Variants in GALNT17 observed in about 807,000 individuals in gnomAD.
The protein encoded by GALNT17 is polypeptide N-acetylgalactosaminyltransferase 17, also known as UDP-GalNAc:polypeptide N-acetylgalactosaminyltransferase-like 3.
Under a neutral mutation model 63.7 loss-of-function variants are expected in GALNT17, and 29 were observed. The observed-to-expected ratio is 0.46, with a 90% CI of 0.34 to 0.62. The LOEUF (loss-of-function observed/expected upper bound fraction) is 0.62. GALNT17 is among the 20% of genes least tolerant of loss of function. GALNT17 has a pLI of 0.01. For synonymous variants in GALNT17, 305 were observed against 318.3 expected (o/e 0.96, Z 0.45); for missense variants, 603 against 799.6 (o/e 0.75, Z 2.97).
intron 6 of GALNT17, among the ~76,000 whole-genome samples, chr7:71,604,906 A>G (rs2116941748): frequency 6.6e-6 from 1 of 152,276 alleles, no homozygotes; most frequent in Admixed American, 6.5e-5. Flanking sequence ...GAACACACCC[A>G]TCATATGTGG....
chr7:71,372,537 T>C (rs984308231), intron 2 of GALNT17, among the ~76,000 whole-genome samples: 10 of 150,338 alleles, frequency 6.7e-5, no homozygotes, highest in African/African-American at 1.2e-4. Context: ...CTGCAACCTC[T>C]TCCTCCCGGG....
At chr7:71,464,296 T>A (rs907955632) in intron 5 of GALNT17, among the ~76,000 whole-genome samples, 1 of 152,102 alleles carries the variant, frequency 6.6e-6, no homozygotes, top group Non-Finnish European at 1.5e-5. Context: ...TCAAACCTGA[T>A]TTTGCAGGAT....
At chr7:71,335,042 C>T (rs907535962) in intron 1 of GALNT17, among the ~76,000 whole-genome samples, 2 of 152,162 alleles carry the variant, frequency 1.3e-5, no homozygotes, top group Non-Finnish European at 1.5e-5. Context: ...CCTCTTTCGT[C>T]CTCATTTCTC....
intron 5 of GALNT17, among the ~76,000 whole-genome samples, chr7:71,526,940 A>G (rs1788634517): frequency 6.6e-6 from 1 of 152,216 alleles, no homozygotes; most frequent in Non-Finnish European, 1.5e-5. Context: ...TCCACAGTCC[A>G]TTCGTCTGCA....
At chr7:71,279,365 C>T (rs764001670) in intron 1 of GALNT17, among the ~76,000 whole-genome samples, 9 of 152,082 alleles carry the variant, frequency 5.9e-5, no homozygotes. Flanking sequence ...ATGAGGGTAA[C>T]TGCCCCCATG....
chr7:71,344,772 C>G lies in GALNT17; in HGVS notation c.422+9039C>G, dbSNP rs1301725231. On this transcript the variant is annotated intron_variant, in intron 2 of 10. Coordinates refer to ENST00000333538, the MANE Select transcript of GALNT17 (RefSeq NM_022479.3). ...GTGCTACTTTTATACAATTGTTTTC[C>G]TGTAACAAACTAAGGACTAAGCAGG... Among the ~76,000 whole-genome samples, 7 of 152,150 alleles carry G rather than the reference C, an allele frequency of 4.6e-5. No individual in the cohort carries two copies. In the East Asian group the frequency reaches 1.4e-3, roughly 29 times the overall value.
At chr7:71,226,932 C>T (rs181284022) in intron 1 of GALNT17, among the ~76,000 whole-genome samples, 17 of 152,036 alleles carry the variant, frequency 1.1e-4, no homozygotes, top group Non-Finnish European at 1.8e-4. Flanking sequence ...GTCCGTCCCC[C>T]CTCTATGTGC....
At chr7:71,281,305 G>A (rs1183151054) in intron 1 of GALNT17, among the ~76,000 whole-genome samples, 4 of 152,160 alleles carry the variant, frequency 2.6e-5, no homozygotes, top group African/African-American at 4.8e-5. Context: ...CCAGGAGTTG[G>A]AGACCAACCT....
At position 71,476,596 on chromosome 7, in the gene GALNT17, A is replaced by G. The variant is rs955533315; in HGVS notation, c.962+55491A>G. On this transcript the variant is annotated intron_variant, in intron 5 of 10. Coordinates refer to ENST00000333538, the MANE Select transcript of GALNT17 (RefSeq NM_022479.3). ...ATTCAGCAGCATTTTAAGTTAATCT[A>G]GGCCAGTGGTTTTCAAGGGGGTAGG... Among the ~76,000 whole-genome samples the G allele has an allele frequency of 2.0e-5, 3 of 151,890 alleles. No homozygotes were observed. The East Asian group carries it at 5.8e-4, about 29-fold the overall frequency.
chr7:71,173,823 A>G (rs1438493666), intron 1 of GALNT17, among the ~76,000 whole-genome samples: 3 of 152,160 alleles, frequency 2.0e-5, no homozygotes, highest in African/African-American at 4.8e-5. Flanking sequence ...ACTCAAGCTC[A>G]GGGTATTTTT....
intron 1 of GALNT17, among the ~76,000 whole-genome samples, chr7:71,250,431 A>G (rs916626377): frequency 1.3e-5 from 2 of 152,120 alleles, no homozygotes; most frequent in Admixed American, 6.6e-5. Flanking sequence ...TTTTGACAGT[A>G]TGGCTATATT....
rs71089954 is a variant in GALNT17 at position 71,540,093 on chromosome 7, C to CTTTTTTTTTTTTTTTTTTTT, written c.963-31176_963-31157dup. On this transcript the variant is annotated intron_variant, in intron 5 of 10. Coordinates refer to ENST00000333538, the MANE Select transcript of GALNT17 (RefSeq NM_022479.3). Reference sequence around the variant, plus strand: ...ACAGTTGTGAGCCACTGTGCCTGGCCTTTTTTTTTTTTTTTTTTTTTTTTT... The same window carrying CTTTTTTTTTTTTTTTTTTTT: ...ACAGTTGTGAGCCACTGTGCCTGGCCTTTTTTTTTTTTTTTTTTTTTTTTTTTTTTTTTTTTTTTTTTTTT... Among the ~76,000 whole-genome samples, 2 of 33,524 alleles carry CTTTTTTTTTTTTTTTTTTTT rather than the reference C, an allele frequency of 6.0e-5. 1 individual carries two copies. The highest frequency in any genetic ancestry group is 1.1e-4 in the Non-Finnish European group (2 of 18,022). The allele number at this position is 33,524 out of a possible 152,430, so 22.0% of individuals were successfully genotyped here. A position where few individuals can be genotyped will look rare whatever the true frequency, so the allele number is the denominator to read the frequency against.
At chr7:71,503,176 A>G (rs1788208030) in intron 5 of GALNT17, among the ~76,000 whole-genome samples, 1 of 150,314 alleles carries the variant, frequency 6.7e-6, no homozygotes, top group Non-Finnish European at 1.5e-5. Context: ...TCTCACTCCA[A>G]GCTTTCTCCC....
chr7:71,551,004 T>C (rs558605621), intron 5 of GALNT17, among the ~76,000 whole-genome samples: 2 of 152,276 alleles, frequency 1.3e-5, no homozygotes, highest in African/African-American at 4.8e-5. Flanking sequence ...TTCATTTCCT[T>C]CCTCAATTAT....
intron 1 of GALNT17, among the ~76,000 whole-genome samples, chr7:71,193,566 C>T (rs1215683722): frequency 1.3e-5 from 2 of 150,362 alleles, no homozygotes; most frequent in Non-Finnish European, 2.9e-5. Context: ...TTACAAATGC[C>T]AGGGTCCTTC....
chr7:71,573,733 A>C (rs1789489934), intron 6 of GALNT17, among the ~76,000 whole-genome samples: 1 of 152,064 alleles, frequency 6.6e-6, no homozygotes. Context: ...CTGTATTGAT[A>C]ATTGACACCT....
intron 2 of GALNT17, among the ~76,000 whole-genome samples, chr7:71,351,542 G>C (rs1167259631): frequency 2.0e-5 from 3 of 151,936 alleles, no homozygotes; most frequent in African/African-American, 7.3e-5. Flanking sequence ...AGAAAACACG[G>C]AGACTAAGAC....
intron 6 of GALNT17, among the ~76,000 whole-genome samples, chr7:71,629,090 G>T (rs1173604589): frequency 6.6e-6 from 1 of 152,124 alleles, no homozygotes; most frequent in African/African-American, 2.4e-5. Flanking sequence ...AGGGTCAAGA[G>T]GAGTTGGCTG....
chr7:71,331,677 T>C (rs6976919), intron 1 of GALNT17, among the ~76,000 whole-genome samples: 72,464 of 151,746 alleles, frequency 0.48, 18,410 homozygotes, highest in African/African-American at 0.66. Flanking sequence ...ATTATACCAC[T>C]GCACTCCAGC....
Sources: gnomAD v4.1 joint callset for allele counts (sites outside exome capture counted in the v4.1 genomes callset) on GRCh38, gnomAD v4.1.1 for gene constraint, MANE v1.5 for transcripts, NCBI Gene and HGNC (gene_info 2026-07-23, HGNC 2026-07-21) for gene names.